The following HUNK variants were observed in gnomAD, a reference collection of about 807,000 sequenced individuals.
HUNK encodes hormonally up-regulated neu tumor-associated kinase.
In HUNK, 21 loss-of-function variants were observed where a neutral mutation model predicts 61.0. The observed-to-expected ratio is 0.34, with a 90% CI of 0.24 to 0.50. The LOEUF (loss-of-function observed/expected upper bound fraction) is 0.50, where lower values mean the gene tolerates loss of function less well. HUNK is among the 20% of genes least tolerant of loss of function. The probability of loss-of-function intolerance (pLI) is 0.98; values close to 1 mark genes in which losing one functional copy is unlikely to be tolerated. For synonymous variants in HUNK, 371 were observed against 386.1 expected, an observed-to-expected ratio of 0.96 and a Z score of 0.46; for missense variants, 772 against 945.7, an observed-to-expected ratio of 0.82 and a Z score of 2.41.
At chr21:31,916,927 C>T (rs1006013871) in intron 1 of HUNK, among the ~76,000 whole-genome samples, 1 of 152,074 alleles carries the variant, frequency 6.6e-6, no homozygotes, top group Non-Finnish European at 1.5e-5. Context: ...TCACCAGCCT[C>T]AGCCTCCCAA....
In HUNK at chr21:32,001,005, C is replaced by T; in HGVS notation, c.*1821C>T. The T allele has an allele frequency of 6.3e-6, 2 of 317,332 alleles. No homozygotes were observed. Among genetic ancestry groups the T allele is most frequent in the Non-Finnish European group, 1.1e-5 (2 of 175,042 alleles). The allele number at this position is 317,332 out of a possible 1,614,324, so 19.7% of individuals were successfully genotyped here. On this transcript the variant is annotated 3_prime_UTR_variant, in exon 11 of 11. Coordinates refer to ENST00000270112, the MANE Select transcript of HUNK (RefSeq NM_014586.2). ...AGAGCTTTTAGGCCAGGTGTGGTGG[C>T]TCACACCTGTAATCCCAGCACTTTG...
chr21:31,951,799 C>T (rs2052851578), intron 4 of HUNK, among the ~76,000 whole-genome samples: 1 of 152,170 alleles, frequency 6.6e-6, no homozygotes, highest in Non-Finnish European at 1.5e-5. Flanking sequence ...GCCTCAGACT[C>T]AGTGTTTTGT....
intron 6 of HUNK, among the ~76,000 whole-genome samples, 198 bp downstream of exon 6, chr21:31,968,583 C>T (rs1183649291): frequency 2.6e-5 from 4 of 152,174 alleles, no homozygotes; most frequent in East Asian, 1.9e-4. Context: ...GCTGTTATGC[C>T]GTGTGCCCTG....
At position 31,968,437 on chromosome 21, in the gene HUNK, C is replaced by T. The variant is rs1466500849; in HGVS notation, c.1010+52C>T. On this transcript the variant is annotated intron_variant, in intron 6 of 10. Transcript: ENST00000270112. ...CTCGGGAGAGACGGGGCCTGTCCTA[C>T]TAGCCCTGAGCAGTTCCGGACAGAA... The T allele has an allele frequency of 3.7e-6, 6 of 1,607,352 alleles. No individual in the cohort carries two copies. In the Admixed American group the frequency reaches 1.0e-4, roughly 27 times the overall value.
chr21:31,873,748 C>G lies in HUNK; in HGVS notation c.74C>G (p.Ala25Gly). Residue 25 changes from alanine (A) to glycine (G), a missense_variant, in exon 1 of 11, where the codon GCG (alanine) becomes GGG (glycine). Ala to Gly is a moderately conservative substitution (Grantham distance 60). Transcript: ENST00000270112. This position sits in a 1 kb window ranked among gnomAD's most constrained non-coding sequence, Gnocchi z 6.1. ...GGGGGCGGCGGCGGCGCGGAGGACG[C>G]GGCCAGGCCCGCGGCGGCCTGCGAG... ...APGGGGGAED[A>G]ARPAAACEGS... 3 of 1,376,438 alleles carry G rather than the reference C, an allele frequency of 2.2e-6. No individual in the cohort carries two copies. Among genetic ancestry groups the G allele is most frequent in the Non-Finnish European group, 2.8e-6 (3 of 1,060,682 alleles). The allele number at this position is 1,376,438 out of a possible 1,614,324, so 85.3% of individuals were successfully genotyped here. A position where few individuals can be genotyped will look rare whatever the true frequency, so the allele number is the denominator to read the frequency against.
chr21:31,914,651 C>T (rs931220283), intron 1 of HUNK, among the ~76,000 whole-genome samples: 2 of 152,128 alleles, frequency 1.3e-5, no homozygotes, highest in Non-Finnish European at 2.9e-5. Flanking sequence ...AAGGTGCCAG[C>T]GGGGTTGGTT....
chr21:31,890,188 A>G (rs573131810), intron 1 of HUNK, among the ~76,000 whole-genome samples: 1 of 151,968 alleles, frequency 6.6e-6, no homozygotes, highest in South Asian at 2.1e-4. Context: ...GCCACTTGTT[A>G]CTATACTAAT....
chr21:31,874,634 T>C (rs1316983589), intron 1 of HUNK, among the ~76,000 whole-genome samples: 1 of 109,444 alleles, frequency 9.1e-6, no homozygotes, highest in East Asian at 2.9e-4. Context: ...TCTCATCCCC[T>C]TCTCTCCGTT....
At chr21:31,879,943 C>T (rs1320708790) in intron 1 of HUNK, among the ~76,000 whole-genome samples, 3 of 152,212 alleles carry the variant, frequency 2.0e-5, no homozygotes, top group South Asian at 2.1e-4. Context: ...TTTCTCTACT[C>T]AGCCCTGGTC....
intron 1 of HUNK, among the ~76,000 whole-genome samples, chr21:31,912,386 A>T (rs909366527): frequency 6.6e-6 from 1 of 152,112 alleles, no homozygotes; most frequent in African/African-American, 2.4e-5. Flanking sequence ...GGGTCTGGAG[A>T]TGGGAGAATT....
At chr21:31,888,856 G>A (rs1390901151) in intron 1 of HUNK, among the ~76,000 whole-genome samples, 3 of 151,842 alleles carry the variant, frequency 2.0e-5, no homozygotes, top group African/African-American at 7.3e-5. Context: ...ATGTATATGT[G>A]TATTATATAT....
chr21:31,998,670 G>A lies in HUNK; in HGVS notation c.1631G>A (p.Ser544Asn). The part of the protein sequence containing the change: ...KPEPHQPGPG[S>N]TGIPHKEDPL... ...GAGCCCCATCAGCCAGGGCCCGGAAGCACTGGCATCCCCCACAAGGAAGAC... is the reference window on the plus strand; with the variant it reads ...GAGCCCCATCAGCCAGGGCCCGGAAACACTGGCATCCCCCACAAGGAAGAC... Residue 544 changes from serine to asparagine, a missense_variant, in exon 11 of 11, where the codon AGC becomes AAC. Physicochemically the swap from Ser to Asn is conservative, Grantham distance 46. This residue lies in a region of HUNK where 413 missense variants were observed against 444.4 expected (regional missense o/e 0.93). Coordinates refer to ENST00000270112, the MANE Select transcript of HUNK (RefSeq NM_014586.2). 1 of 1,614,202 alleles carries A rather than the reference G, an allele frequency of 6.2e-7. No homozygotes were observed. Among genetic ancestry groups the A allele is most frequent in the South Asian group, 1.1e-5 (1 of 91,082 alleles).
chr21:31,977,894 C>T (rs1040286852), intron 7 of HUNK, among the ~76,000 whole-genome samples: 1 of 152,108 alleles, frequency 6.6e-6, no homozygotes, highest in African/African-American at 2.4e-5. Context: ...GACGGGCTTT[C>T]GCCATGTTGC....
At chr21:31,889,268 A>G (rs935828023) in intron 1 of HUNK, among the ~76,000 whole-genome samples, 18 of 152,236 alleles carry the variant, frequency 1.2e-4, no homozygotes, top group Non-Finnish European at 2.5e-4. Flanking sequence ...TGGGCTGAGA[A>G]AGGACATGAG....
chr21:31,910,630 A>C (rs1488173307), intron 1 of HUNK, among the ~76,000 whole-genome samples: 2 of 152,012 alleles, frequency 1.3e-5, no homozygotes, highest in Non-Finnish European at 2.9e-5. Flanking sequence ...CTGGGATTAC[A>C]GGCATGCGCC....
intron 2 of HUNK, among the ~76,000 whole-genome samples, chr21:31,939,318 T>C (rs947687998): frequency 1.3e-5 from 2 of 151,576 alleles, no homozygotes; most frequent in African/African-American, 4.8e-5. Flanking sequence ...GATTAACTTA[T>C]CATCACCTGC....
At chr21:31,959,976 C>T (rs1385796811) in intron 5 of HUNK, among the ~76,000 whole-genome samples, 1 of 152,216 alleles carries the variant, frequency 6.6e-6, no homozygotes, top group Non-Finnish European at 1.5e-5. Flanking sequence ...AGATGAGTTA[C>T]AGCTCTGTCA....
At chr21:31,994,958 G>T (rs1284980138) in intron 9 of HUNK, among the ~76,000 whole-genome samples, 1 of 152,134 alleles carries the variant, frequency 6.6e-6, no homozygotes, top group Non-Finnish European at 1.5e-5. Flanking sequence ...TTCAAAACCA[G>T]CCTGGATAAC....
intron 1 of HUNK, among the ~76,000 whole-genome samples, chr21:31,908,585 G>A (rs575798763): frequency 5.3e-4 from 81 of 152,338 alleles, no homozygotes; most frequent in African/African-American, 1.8e-3. Flanking sequence ...GAAAGGCAGG[G>A]AGGGAGAGTG....
Sources: allele counts gnomAD v4.1 joint callset (sites outside exome capture counted in the v4.1 genomes callset), GRCh38; gene constraint gnomAD v4.1.1; regional missense constraint gnomAD v4.1.1; non-coding constraint Gnocchi (gnomAD v3.1); transcripts MANE v1.5; gene names NCBI Gene and HGNC (gene_info 2026-07-23, HGNC 2026-07-21).